PALLD: variants seen among roughly 807,000 people sequenced by gnomAD.
PALLD encodes palladin, cytoskeletal associated protein.
PALLD carries 61 observed loss-of-function variants against 123.5 expected under a neutral mutation model. The ratio of observed to expected loss-of-function variants is 0.49; its 90% CI spans 0.40 to 0.61. The LOEUF is 0.61. Ranked by LOEUF, PALLD falls within the 20% of genes least tolerant of loss-of-function variation. The pLI is 0.00. For missense variants in PALLD, 1,273 were observed against 1,377.0 expected (o/e 0.92, Z 1.20); for synonymous variants, 465 against 496.4 (o/e 0.94, Z 0.84).
chr4:168,634,401 C>T (rs760270196), intron 2 of PALLD, among the ~76,000 whole-genome samples: 9 of 152,246 alleles, frequency 5.9e-5, no homozygotes, highest in Non-Finnish European at 1.2e-4. Context: ...CCTCTGCCAG[C>T]TGCCTGTGGT....
At chr4:168,608,180 G>A (rs1773376349) in intron 2 of PALLD, among the ~76,000 whole-genome samples, 1 of 152,194 alleles carries the variant, frequency 6.6e-6, no homozygotes, top group Non-Finnish European at 1.5e-5. Context: ...TAAATATGTG[G>A]TGCAGAAAGA....
Position 168,577,951 on chromosome 4 carries a change from G to A in PALLD, c.908+65539G>A, listed in dbSNP as rs553766722. Among the ~76,000 whole-genome samples the A allele has an allele frequency of 5.9e-5, 9 of 151,862 alleles. No individual in the cohort carries two copies. The East Asian group carries it at 1.8e-3, about 30-fold the overall frequency. On this transcript the variant is annotated intron_variant, in intron 2 of 21. Transcript: ENST00000505667. Reference sequence around the variant, plus strand: ...ACACATGAATGGGGGCGGGGCGGGGGGAACGTTGTGAATCTCTCATCACTT... The same window carrying A: ...ACACATGAATGGGGGCGGGGCGGGGAGAACGTTGTGAATCTCTCATCACTT...
intron 10 of PALLD, among the ~76,000 whole-genome samples, chr4:168,759,796 T>G (rs1050744946): frequency 9.2e-5 from 14 of 152,284 alleles, no homozygotes; most frequent in African/African-American, 3.1e-4. Flanking sequence ...GGCTAATGCC[T>G]GTAATCCCAG....
intron 10 of PALLD, among the ~76,000 whole-genome samples, chr4:168,721,526 C>G (rs1786018212): frequency 6.6e-6 from 1 of 152,012 alleles, no homozygotes; most frequent in Non-Finnish European, 1.5e-5. Flanking sequence ...CAAAGTGTAA[C>G]CAGTGGTTCT....
chr4:168,598,711 G>A, intron 2 of PALLD: 2 of 386,820 alleles, frequency 5.2e-6, no homozygotes, highest in Non-Finnish European at 5.2e-6. Context: ...TTTGCAAGCT[G>A]TACCCTTGCC....
intron 11 of PALLD, among the ~76,000 whole-genome samples, chr4:168,892,750 C>G (rs1181784956): frequency 6.7e-6 from 1 of 149,892 alleles, no homozygotes; most frequent in African/African-American, 2.4e-5. Flanking sequence ...TTTTGGCTGT[C>G]TATGTCAATG....
intron 10 of PALLD, among the ~76,000 whole-genome samples, chr4:168,823,655 G>A (rs1414967304): frequency 6.6e-6 from 1 of 152,056 alleles, no homozygotes; most frequent in African/African-American, 2.4e-5. Flanking sequence ...ACTCCATCCT[G>A]GGCAACAGAG....
At chr4:168,789,338 G>C (rs936104629) in intron 10 of PALLD, among the ~76,000 whole-genome samples, 1 of 152,116 alleles carries the variant, frequency 6.6e-6, no homozygotes, top group Non-Finnish European at 1.5e-5. Flanking sequence ...TATTTGATTT[G>C]TTTTAAAATA....
intron 20 of PALLD, 74 bp from the exon 21 acceptor site, chr4:168,925,159 A>G: frequency 1.3e-6 from 2 of 1,583,160 alleles, no homozygotes; most frequent in Non-Finnish European, 1.7e-6. Context: ...AAATCACATT[A>G]CTCTTTATAA....
chr4:168,544,181 C>G (rs1248109106), intron 2 of PALLD, among the ~76,000 whole-genome samples: 6 of 152,228 alleles, frequency 3.9e-5, no homozygotes. Context: ...TACTTTCTCT[C>G]ACTGATATAT....
At position 168,512,002 on chromosome 4, in the gene PALLD, C is replaced by A; in HGVS notation, c.498C>A (p.Ser166Arg). The part of the protein sequence containing the change: ...TPHQRKGGPQ[S>R]QLCDKAANLI... ...ATCAAAGAAAGGGTGGCCCCCAGAGCCAGCTGTGTGACAAGGCAGCTAATT... is the reference window on the plus strand; with the variant it reads ...ATCAAAGAAAGGGTGGCCCCCAGAGACAGCTGTGTGACAAGGCAGCTAATT... The change falls in exon 2 of 22, where the codon AGC becomes AGA. Residue 166 changes from serine (S) to arginine (R), a missense_variant. Physicochemically the swap from Ser to Arg is moderately radical, Grantham distance 110. This residue lies in a region of PALLD where 944 missense variants were observed against 954.5 expected (regional missense o/e 0.99). Transcript: ENST00000505667. The A allele has an allele frequency of 5.6e-6, 9 of 1,614,220 alleles. No homozygotes were observed. The highest frequency in any genetic ancestry group is 7.6e-6 in the Non-Finnish European group (9 of 1,180,050).
At chr4:168,529,957 T>C (rs1037182486) in intron 2 of PALLD, among the ~76,000 whole-genome samples, 26 of 152,208 alleles carry the variant, frequency 1.7e-4, no homozygotes, top group Non-Finnish European at 4.4e-5. Context: ...ACTAATTTTA[T>C]GTTTCTCTAT....
At chr4:168,915,107 C>T (rs1759837959) in intron 16 of PALLD, among the ~76,000 whole-genome samples, 2 of 152,142 alleles carry the variant, frequency 1.3e-5, no homozygotes, top group African/African-American at 4.8e-5. Flanking sequence ...TAAATTAGAT[C>T]TATACTTAGA....
Position 168,924,957 on chromosome 4 carries a change from C to T in PALLD, c.3237C>T (p.Asp1079=), listed in dbSNP as rs749775897. The T allele has an allele frequency of 1.9e-6, 3 of 1,614,146 alleles. No homozygotes were observed. Among genetic ancestry groups the T allele is most frequent in the African/African-American group, 1.3e-5 (1 of 75,040 alleles). ...TCCTTTTCTCCAGCATGCACCAGGA[C>T]AACCACGGCTACATCTGCCTGCTCA... ...HSTDRVSMHQ[D]NHGYICLLIQ... is the part of the protein sequence containing the mutation. Residue 1079 remains aspartate, a synonymous_variant, in exon 20 of 22, where the codon GAC becomes GAT. Coordinates refer to ENST00000505667, the MANE Select transcript of PALLD (RefSeq NM_001166108.2).
intron 2 of PALLD, among the ~76,000 whole-genome samples, chr4:168,608,619 G>C (rs1011177686): frequency 3.0e-4 from 45 of 152,114 alleles, no homozygotes; most frequent in African/African-American, 1.0e-3. Context: ...CCCACAAACT[G>C]TCTTTTCTCT....
intron 10 of PALLD, among the ~76,000 whole-genome samples, chr4:168,853,746 C>T (rs1174359986): frequency 6.6e-6 from 1 of 152,148 alleles, no homozygotes; most frequent in Admixed American, 6.5e-5. Flanking sequence ...GGAGTTGATC[C>T]CAAGAGCAAG....
chr4:168,575,879 A>G (rs1404645423), intron 2 of PALLD, among the ~76,000 whole-genome samples: 2 of 152,066 alleles, frequency 1.3e-5, no homozygotes, highest in African/African-American at 4.8e-5. Flanking sequence ...AAAATCTTAA[A>G]ATATCTTGCT....
chr4:168,742,037 A>C (rs1788399970), intron 10 of PALLD, among the ~76,000 whole-genome samples: 1 of 152,238 alleles, frequency 6.6e-6, no homozygotes, highest in South Asian at 2.1e-4. Context: ...CAGTGCGGGC[A>C]AAAGCTGGCA....
intron 2 of PALLD, chr4:168,631,675 C>T: frequency 1.0e-6 from 1 of 985,464 alleles, no homozygotes; most frequent in Non-Finnish European, 1.2e-6. Flanking sequence ...CGCTGCGCCG[C>T]CAGGAGGCTT....
Sources: gnomAD v4.1 joint callset for allele counts (sites outside exome capture counted in the v4.1 genomes callset) on GRCh38, gnomAD v4.1.1 for gene constraint, gnomAD v4.1.1 regional missense constraint, MANE v1.5 for transcripts, NCBI Gene and HGNC (gene_info 2026-07-23, HGNC 2026-07-21) for gene names.